KLF8: variants seen among roughly 807,000 people sequenced by gnomAD.
KLF8 encodes KLF transcription factor 8.
In KLF8, 10 loss-of-function variants were observed where a neutral mutation model predicts 18.2. That is an observed-to-expected ratio of 0.55 (90% CI 0.34 to 0.93). The LOEUF is 0.93. Among genes scored for constraint, KLF8 ranks in the 40% least tolerant of loss-of-function variants. The pLI, the probability that KLF8 is intolerant of heterozygous loss-of-function variation, is 0.02. For synonymous variants in KLF8, 109 were observed against 97.3 expected (o/e 1.12, Z -0.71); for missense variants, 264 against 277.9 (o/e 0.95, Z 0.36).
At chrX:55,956,117 A>G in the KLF8 span, among the ~76,000 whole-genome samples, 140 of 84,255 alleles carry the variant, frequency 1.7e-3, no homozygotes, top group Non-Finnish European at 2.8e-3. Flanking sequence ...CTTCTAATAA[A>G]TATCTATCTA....
At chrX:56,021,514 G>A in the KLF8 span, among the ~76,000 whole-genome samples, 2 of 110,661 alleles carry the variant, frequency 1.8e-5, no homozygotes, top group African/African-American at 6.6e-5. Context: ...TGCGGTGCAA[G>A]AGGTTATGCA....
chrX:56,002,443 G>A, the KLF8 span, among the ~76,000 whole-genome samples: 1 of 107,907 alleles, frequency 9.3e-6, no homozygotes, highest in African/African-American at 3.5e-5. Context: ...GTGTGTGTGT[G>A]TGTGTGTGTG....
chrX:56,154,705 T>G, the KLF8 span, among the ~76,000 whole-genome samples: 1 of 111,987 alleles, frequency 8.9e-6, no homozygotes, highest in Admixed American at 9.5e-5. Flanking sequence ...GATGTTCTCA[T>G]CTGACAAAGG....
At chrX:56,012,460 C>T in the KLF8 span, among the ~76,000 whole-genome samples, 3 of 111,822 alleles carry the variant, frequency 2.7e-5, no homozygotes, top group Non-Finnish European at 3.8e-5. Flanking sequence ...ATAATAAGAA[C>T]CATTTATGAC....
chrX:56,033,504 C>A, the KLF8 span, among the ~76,000 whole-genome samples: 1 of 111,674 alleles, frequency 9.0e-6, no homozygotes, highest in Non-Finnish European at 1.9e-5. Flanking sequence ...CTTCTACATA[C>A]TAATTTTAAA....
the KLF8 span, among the ~76,000 whole-genome samples, chrX:56,176,258 G>A: frequency 8.9e-6 from 1 of 111,815 alleles, no homozygotes; most frequent in Non-Finnish European, 1.9e-5. Flanking sequence ...TCCTTTCCAT[G>A]TTTAGTGCTT....
At chrX:56,162,219 G>A in the KLF8 span, among the ~76,000 whole-genome samples, 1 of 112,252 alleles carries the variant, frequency 8.9e-6, no homozygotes, top group South Asian at 3.7e-4. Context: ...TGGGGGTCAT[G>A]GACCCACTTG....
chrX:56,165,415 C>A, the KLF8 span, among the ~76,000 whole-genome samples: 5 of 112,396 alleles, frequency 4.4e-5, no homozygotes, highest in South Asian at 1.8e-3. Context: ...GTGAGCTTTT[C>A]ATAATCTGTT....
chrX:56,054,890 G>A, the KLF8 span, among the ~76,000 whole-genome samples: 1 of 111,848 alleles, frequency 8.9e-6, no homozygotes, highest in African/African-American at 3.3e-5. Flanking sequence ...TTTGCCTGAA[G>A]TTAGGATTAC....
chrX:55,993,568 C>T, the KLF8 span, among the ~76,000 whole-genome samples: 1 of 111,743 alleles, frequency 8.9e-6, no homozygotes, highest in Non-Finnish European at 1.9e-5. Context: ...ATTTTCTTAC[C>T]TCATTGTGTC....
chrX:55,963,405 G>C, the KLF8 span, among the ~76,000 whole-genome samples: 1 of 111,355 alleles, frequency 9.0e-6, no homozygotes. Context: ...GCACAGGGCA[G>C]TACCAGGAAA....
the KLF8 span, among the ~76,000 whole-genome samples, chrX:56,079,615 T>A: frequency 8.9e-6 from 1 of 111,785 alleles, no homozygotes; most frequent in Non-Finnish European, 1.9e-5. Context: ...AAATGTATAT[T>A]CTGTTGATTT....
At chrX:56,161,075 G>T in the KLF8 span, among the ~76,000 whole-genome samples, 2 of 111,101 alleles carry the variant, frequency 1.8e-5, no homozygotes, top group Admixed American at 9.6e-5. Context: ...GCTCTTTTAG[G>T]GCAGGCCTGG....
the KLF8 span, among the ~76,000 whole-genome samples, chrX:56,187,718 T>C: frequency 5.4e-5 from 6 of 110,909 alleles, no homozygotes; most frequent in African/African-American, 2.0e-4. Flanking sequence ...GCTGATTCAA[T>C]ATATGCAAAT....
upstream of KLF8, among the ~76,000 whole-genome samples, chrX:56,230,287 C>G (rs1419510402): frequency 9.0e-6 from 1 of 111,599 alleles, no homozygotes; most frequent in East Asian, 2.8e-4. Context: ...CTTTCACACA[C>G]TTGAATCTAA....
the KLF8 span, among the ~76,000 whole-genome samples, chrX:56,169,361 G>A: frequency 9.0e-6 from 1 of 111,133 alleles, no homozygotes; most frequent in South Asian, 3.8e-4. Flanking sequence ...TACCAGCTTG[G>A]CCACAGGAGG....
At chrX:56,186,442 C>A in the KLF8 span, among the ~76,000 whole-genome samples, 2 of 111,166 alleles carry the variant, frequency 1.8e-5, no homozygotes, top group African/African-American at 6.5e-5. Flanking sequence ...GTTTAACACG[C>A]CACTGTCAAC....
chrX:56,189,341 G>T, the KLF8 span, among the ~76,000 whole-genome samples: 1 of 111,864 alleles, frequency 8.9e-6, no homozygotes, highest in Non-Finnish European at 1.9e-5. Context: ...ACACCAGTTA[G>T]AATGGCAATC....
At chrX:56,106,981 C>A in the KLF8 span, among the ~76,000 whole-genome samples, 3 of 112,068 alleles carry the variant, frequency 2.7e-5, no homozygotes, top group African/African-American at 9.7e-5. Flanking sequence ...CCCTCAGCTG[C>A]AGGTCTGTTG....
Sources: allele counts gnomAD v4.1 joint callset (sites outside exome capture counted in the v4.1 genomes callset), GRCh38; gene constraint gnomAD v4.1.1; transcripts MANE v1.5; gene names NCBI Gene and HGNC (gene_info 2026-07-23, HGNC 2026-07-21).